Variants in TBCA observed in about 807,000 individuals in gnomAD.
TBCA encodes the protein tubulin-specific chaperone A.
In TBCA, 6 loss-of-function variants were observed where a neutral mutation model predicts 15.8. That is an observed-to-expected ratio of 0.38 (90% CI 0.21 to 0.75). The LOEUF (loss-of-function observed/expected upper bound fraction) is 0.75. Among genes scored for constraint, TBCA ranks in the 30% least tolerant of loss-of-function variants. The pLI is 0.46. For synonymous variants in TBCA, 32 were observed against 42.3 expected (o/e 0.76, Z 0.94); for missense variants, 90 against 131.2 (o/e 0.69, Z 1.53).
chr5:77,706,544 G>T (rs1422020784), intron 2 of TBCA, among the ~76,000 whole-genome samples: 1 of 152,170 alleles, frequency 6.6e-6, no homozygotes, highest in Non-Finnish European at 1.5e-5. Flanking sequence ...GCTGGGTGCG[G>T]TGGCTCACCC....
At chr5:77,736,337 A>G (rs994534314) in intron 1 of TBCA, among the ~76,000 whole-genome samples, 2 of 60,360 alleles carry the variant, frequency 3.3e-5, no homozygotes, top group African/African-American at 1.1e-4. Flanking sequence ...CTCCGTCTCA[A>G]AAAAAAAAAA....
chr5:77,691,480 C>G lies in TBCA; in HGVS notation c.265G>C (p.Glu89Gln), dbSNP rs746265260. The G allele has an allele frequency of 1.3e-6, 2 of 1,592,426 alleles. No individual in the cohort carries two copies. The highest frequency in any genetic ancestry group is 1.7e-6 in the Non-Finnish European group (2 of 1,174,502). ...QRILENEKDL[E>Q]EAEEYKEARL... ...GCTTCTTTATATTCCTCAGCTTCTT[C>G]CAAGTCTTTTTCATTTTCCTAAAAT... The change falls in exon 4 of 4, where the codon GAA becomes CAA. Residue 89 changes from glutamate (E) to glutamine (Q), a missense_variant. By Grantham distance (29) the Glu-to-Gln change is conservative (BLOSUM62 2). Transcript: ENST00000380377.
chr5:77,705,253 G>T (rs1746122863), intron 2 of TBCA, among the ~76,000 whole-genome samples: 1 of 151,500 alleles, frequency 6.6e-6, no homozygotes, highest in Non-Finnish European at 1.5e-5. Flanking sequence ...TTAGCTATAG[G>T]ACTATTTTAA....
rs60670191 is a variant in TBCA, at chr5:77,774,980, TAAAA to T, written c.53+1221_53+1224del. Among the ~76,000 whole-genome samples the T allele has an allele frequency of 7.1e-3, 1,016 of 143,402 alleles. 6 individuals are homozygous for T. Among genetic ancestry groups the T allele is most frequent in the Non-Finnish European group, 9.6e-3 (632 of 66,110 alleles). The allele number at this position is 143,402 out of a possible 152,430, so 94.1% of individuals were successfully genotyped here. On this transcript the variant is annotated intron_variant, in intron 1 of 3. Transcript: ENST00000380377. ...TCCTGAATAAGATAGCTACAAAGAT[TAAAA>T]AAAAAAAAAAAAAAGCTACATACCT...
At position 77,776,281 on chromosome 5, in the gene TBCA, G is replaced by A. The variant is rs1748027342; in HGVS notation, c.-24C>T. On this transcript the variant is annotated 5_prime_UTR_variant, in exon 1 of 4. Transcript: ENST00000380377. ...ATGGTCCCTCGAGCGCCGCGAGAAG[G>A]AGGGGCGGAGAGCCGGGGTAACCGT... is the stretch of plus-strand genomic sequence containing the variant. 8.3e-6 allele frequency: 13 copies of A among 1,568,954 alleles called. No individual in the cohort carries two copies. Among genetic ancestry groups the A allele is most frequent in the South Asian group, 1.2e-5 (1 of 85,282 alleles).
At chr5:77,764,300 G>C (rs1345921984) in intron 1 of TBCA, among the ~76,000 whole-genome samples, 1 of 152,174 alleles carries the variant, frequency 6.6e-6, no homozygotes, top group Non-Finnish European at 1.5e-5. Context: ...TCTTGTGCTA[G>C]GTGATGGACT....
intron 2 of TBCA, among the ~76,000 whole-genome samples, chr5:77,707,135 A>T (rs1746168671): frequency 6.6e-6 from 1 of 152,140 alleles, no homozygotes; most frequent in Non-Finnish European, 1.5e-5. Flanking sequence ...GGGAAAAAAG[A>T]GTAATAACAA....
At chr5:77,776,041 C>A (rs1460017990) in intron 1 of TBCA, among the ~76,000 whole-genome samples, 164 bp downstream of exon 1, 1 of 152,154 alleles carries the variant, frequency 6.6e-6, no homozygotes, top group Non-Finnish European at 1.5e-5. Flanking sequence ...GGCGTCAGCG[C>A]GCCCCGCTGG....
intron 1 of TBCA, among the ~76,000 whole-genome samples, chr5:77,736,573 T>C (rs1381060295): frequency 1.3e-5 from 2 of 152,214 alleles, no homozygotes; most frequent in African/African-American, 2.4e-5. Flanking sequence ...TGTCACAATG[T>C]CCATGCGATG....
intron 1 of TBCA, 75 bp from the exon 2 acceptor site, chr5:77,708,422 A>C (rs1746198718): frequency 1.2e-6 from 1 of 837,112 alleles, no homozygotes; most frequent in Non-Finnish European, 1.9e-6. Context: ...TGTAAATATA[A>C]AACATATTAT....
intron 2 of TBCA, among the ~76,000 whole-genome samples, chr5:77,693,803 A>T (rs1327687402): frequency 5.5e-5 from 6 of 109,636 alleles, no homozygotes; most frequent in African/African-American, 2.6e-4. Context: ...CCATCTCAAA[A>T]AAAAAAAAAA....
chr5:77,694,775 C>T (rs971874384), intron 2 of TBCA, among the ~76,000 whole-genome samples: 4 of 152,124 alleles, frequency 2.6e-5, no homozygotes, highest in Non-Finnish European at 4.4e-5. Context: ...TGTCAGAGCT[C>T]ATATTGAAAA....
chr5:77,705,896 TCCTC>T (rs569551149), intron 2 of TBCA, among the ~76,000 whole-genome samples: 176 of 152,260 alleles, frequency 1.2e-3, no homozygotes, highest in African/African-American at 3.5e-3. Context: ...TGTTTGCTAA[TCCTC>T]CCTCAATTTA....
At chr5:77,768,932 C>A (rs538518506) in intron 1 of TBCA, among the ~76,000 whole-genome samples, 3 of 152,228 alleles carry the variant, frequency 2.0e-5, no homozygotes, top group African/African-American at 7.2e-5. Context: ...AAATTTCCAA[C>A]CAAACAAAAA....
rs200980551 is a variant in TBCA, at chr5:77,737,272, AC to A, written c.54-28926del. ...TGAACCAAAGCTTTTGTTTAAAAAA[AC>A]AAAACAAAAAAACAGGCAGCGCACT... On this transcript the variant is annotated intron_variant, in intron 1 of 3. Coordinates refer to ENST00000380377, the MANE Select transcript of TBCA (RefSeq NM_004607.3). 1.3e-4 allele frequency among the ~76,000 whole-genome samples: 20 copies of A among 152,336 alleles called. No individual in the cohort carries two copies. In the East Asian group the frequency reaches 3.9e-3, roughly 29 times the overall value.
At chr5:77,761,067 G>A (rs1438177556) in intron 1 of TBCA, among the ~76,000 whole-genome samples, 1 of 152,142 alleles carries the variant, frequency 6.6e-6, no homozygotes, top group Non-Finnish European at 1.5e-5. Flanking sequence ...GAGCGCCTCT[G>A]CCTGGCCACT....
At chr5:77,729,845 C>T (rs1041763822) in intron 1 of TBCA, among the ~76,000 whole-genome samples, 1 of 152,152 alleles carries the variant, frequency 6.6e-6, no homozygotes. Context: ...TACAACATAT[C>T]AGTTAATAGT....
At chr5:77,701,967 TA>T (rs1746029908) in intron 2 of TBCA, among the ~76,000 whole-genome samples, 2 of 151,772 alleles carry the variant, frequency 1.3e-5, no homozygotes, top group Admixed American at 6.6e-5. Flanking sequence ...TGTTCTCACT[TA>T]TAAGTGGGAG....
chr5:77,725,869 C>T (rs1580111086), intron 1 of TBCA, among the ~76,000 whole-genome samples: 1 of 152,020 alleles, frequency 6.6e-6, no homozygotes, highest in East Asian at 1.9e-4. Flanking sequence ...ATGCAAATAA[C>T]AAAACGACAG....
Sources: gnomAD v4.1 joint callset for allele counts (sites outside exome capture counted in the v4.1 genomes callset) on GRCh38, gnomAD v4.1.1 for gene constraint, MANE v1.5 for transcripts, NCBI Gene and HGNC (gene_info 2026-07-23, HGNC 2026-07-21) for gene names.